SLC25A40: variants seen among roughly 807,000 people sequenced by gnomAD.
The protein encoded by SLC25A40 is mitochondrial glutathione transporter SLC25A40.
SLC25A40 carries 41 observed loss-of-function variants against 46.5 expected under a neutral mutation model. The ratio of observed to expected loss-of-function variants is 0.88; its 90% CI spans 0.69 to 1.14. SLC25A40 has a LOEUF of 1.14. Among genes scored for constraint, SLC25A40 ranks in the 50% most tolerant of loss-of-function variants. The pLI, the probability that SLC25A40 is intolerant of heterozygous loss-of-function variation, is 0.00. For missense variants in SLC25A40, 386 were observed against 393.6 expected, an observed-to-expected ratio of 0.98 and a Z score of 0.16; for synonymous variants, 126 against 127.5, an observed-to-expected ratio of 0.99 and a Z score of 0.08.
intron 1 of SLC25A40, among the ~76,000 whole-genome samples, chr7:87,863,091 C>T (rs1355928700): frequency 6.6e-6 from 1 of 152,162 alleles, no homozygotes. Flanking sequence ...ATTGCCTCTT[C>T]TGTAGTATGT....
intron 1 of SLC25A40, among the ~76,000 whole-genome samples, chr7:87,872,257 C>T (rs555756325): frequency 6.6e-6 from 1 of 152,174 alleles, no homozygotes; most frequent in East Asian, 1.9e-4. Flanking sequence ...TGAGATGCAG[C>T]TAAAGCAGCA....
chr7:87,875,045 T>C (rs1187477877), intron 1 of SLC25A40, among the ~76,000 whole-genome samples: 2 of 152,196 alleles, frequency 1.3e-5, no homozygotes, highest in Admixed American at 6.5e-5. Flanking sequence ...TTTTTTCCCA[T>C]AGAAATTACA....
At chr7:87,855,239 G>A (rs1301591370) in intron 4 of SLC25A40, among the ~76,000 whole-genome samples, 4 of 151,620 alleles carry the variant, frequency 2.6e-5, no homozygotes, top group East Asian at 1.9e-4. Context: ...GATAAAAGAC[G>A]AAAACCCATT....
At position 87,856,335 on chromosome 7, in the gene SLC25A40, A is replaced by G; in HGVS notation, c.114T>C (p.Val38=). The change falls in exon 4 of 12, where the codon GTT becomes GTC. Residue 38 remains valine, a synonymous_variant. Coordinates refer to ENST00000341119, the MANE Select transcript of SLC25A40 (RefSeq NM_018843.4). The part of the protein sequence containing the change: ...LTSVIVTPLD[V]VKIRLQAQNN... Reference sequence around the variant, plus strand: ...TTTGGGCTTGGAGTCTAATTTTAACAACATCCAGGGGTGTCACTATGAAGA... The same window carrying G: ...TTTGGGCTTGGAGTCTAATTTTAACGACATCCAGGGGTGTCACTATGAAGA... 6.2e-7 allele frequency: 1 copy of G among 1,613,390 alleles called. No homozygotes were observed. The highest frequency in any genetic ancestry group is 8.5e-7 in the Non-Finnish European group (1 of 1,179,486).
At chr7:87,875,283 G>C (rs995698021) in intron 1 of SLC25A40, among the ~76,000 whole-genome samples, 1 of 152,096 alleles carries the variant, frequency 6.6e-6, no homozygotes, top group African/African-American at 2.4e-5. Flanking sequence ...CATGACTGTC[G>C]CCCCAGGCCC....
At position 87,836,368 on chromosome 7, in the gene SLC25A40, A is replaced by G; in HGVS notation, c.905-7T>C. On this transcript the variant is annotated splice_polypyrimidine_tract_variant and splice_region_variant and intron_variant, in intron 11 of 11. Transcript: ENST00000341119. The stretch of plus-strand genomic sequence containing the variant: ...ATTAAGCGAGGAATTAGGCCTGAGA[A>G]AAGAATAGGAATAATCAAAACAAAT... The G allele has an allele frequency of 6.9e-7, 1 of 1,459,364 alleles. No individual in the cohort carries two copies. Among genetic ancestry groups the G allele is most frequent in the South Asian group, 1.4e-5 (1 of 70,040 alleles). The allele number at this position is 1,459,364 out of a possible 1,614,324, so 90.4% of individuals were successfully genotyped here. A position where few individuals can be genotyped will look rare whatever the true frequency, so the allele number is the denominator to read the frequency against.
At chr7:87,856,479 C>G in intron 3 of SLC25A40, 128 bp from the exon 4 acceptor site, 1 of 818,708 alleles carries the variant, frequency 1.2e-6, no homozygotes. Context: ...GCTTATTTAT[C>G]TTAAAGTAGT....
rs2130998874 is a variant in SLC25A40, at chr7:87,843,658, A to C, written c.741+96T>G. 4.7e-6 allele frequency: 4 copies of C among 848,810 alleles called. No individual in the cohort carries two copies. In the East Asian group the frequency reaches 1.1e-4, roughly 24 times the overall value. 52.6% of individuals were successfully genotyped at this position (848,810 alleles called of 1,614,324 possible). The stretch of plus-strand genomic sequence containing the variant: ...AGACAAATTTTCAAGCAGTGCAGCC[A>C]AAGTGGATCTCAATATACATGAGAT... On this transcript the variant is annotated intron_variant, in intron 9 of 11. Coordinates refer to ENST00000341119, the MANE Select transcript of SLC25A40 (RefSeq NM_018843.4).
chr7:87,856,391 T>C lies in SLC25A40; in HGVS notation c.98-40A>G, dbSNP rs183939505. 9.9e-4 allele frequency: 1,429 copies of C among 1,449,124 alleles called. 16 individuals are homozygous for C. The African/African-American group carries it at 0.018, about 18-fold the overall frequency. The allele number at this position is 1,449,124 out of a possible 1,614,324, so 89.8% of individuals were successfully genotyped here. A position where few individuals can be genotyped will look rare whatever the true frequency, so the allele number is the denominator to read the frequency against. On this transcript the variant is annotated intron_variant, in intron 3 of 11. Coordinates refer to ENST00000341119, the MANE Select transcript of SLC25A40 (RefSeq NM_018843.4). Reference sequence around the variant, plus strand: ...TAAGTTTCAATTAGCGAGTGGTATCTGTAAATTGGATAGATGTTTTACACA... The same window carrying C: ...TAAGTTTCAATTAGCGAGTGGTATCCGTAAATTGGATAGATGTTTTACACA...
chr7:87,852,393 C>T (rs1282317376), intron 5 of SLC25A40, among the ~76,000 whole-genome samples: 1 of 152,074 alleles, frequency 6.6e-6, no homozygotes, highest in Non-Finnish European at 1.5e-5. Context: ...CTAGCCTGGG[C>T]AACATAGTGA....
chr7:87,854,809 C>CAAAA (rs1193322764), intron 4 of SLC25A40, among the ~76,000 whole-genome samples: 2 of 53,574 alleles, frequency 3.7e-5, no homozygotes, highest in South Asian at 6.2e-4. Context: ...AAGACTGTCT[C>CAAAA]AAAAAAAAAA....
intron 11 of SLC25A40, 111 bp from the exon 12 acceptor site, chr7:87,836,472 G>A: frequency 1.5e-6 from 1 of 688,140 alleles, no homozygotes; most frequent in Non-Finnish European, 2.2e-6. Context: ...GAAGTAATAT[G>A]TTCAAATCCA....
intron 3 of SLC25A40, among the ~76,000 whole-genome samples, chr7:87,858,079 C>A (rs1011745909): frequency 2.0e-5 from 3 of 152,188 alleles, no homozygotes; most frequent in African/African-American, 7.2e-5. Context: ...CTGCAGTACC[C>A]TCAGGCTTAC....
At chr7:87,870,602 T>A (rs1203804351) in intron 1 of SLC25A40, among the ~76,000 whole-genome samples, 2 of 152,090 alleles carry the variant, frequency 1.3e-5, no homozygotes, top group Non-Finnish European at 2.9e-5. Flanking sequence ...TGCCCCACCC[T>A]CATCCTGTGC....
At position 87,843,855 on chromosome 7, in the gene SLC25A40, A is replaced by G; in HGVS notation, c.640T>C (p.Trp214Arg). 1 of 1,582,444 alleles carries G rather than the reference A, an allele frequency of 6.3e-7. No homozygotes were observed. The highest frequency in any genetic ancestry group is 1.4e-5 in the African/African-American group (1 of 73,826). ...TTCTTTAAAATTTCATAGTTATACC[A>G]GTACATTGCTATAAAAACAGAGAAT... is the stretch of plus-strand genomic sequence containing the variant. ...LRDVPFSAMY[W>R]YNYEILKKWL... The change falls in exon 9 of 12, where the codon TGG becomes CGG. Residue 214 changes from tryptophan to arginine, a missense_variant. Trp to Arg is a moderately radical substitution (Grantham distance 101). Transcript: ENST00000341119.
intron 9 of SLC25A40, among the ~76,000 whole-genome samples, chr7:87,843,257 G>A (rs1323920325): frequency 1.3e-5 from 2 of 152,020 alleles, no homozygotes; most frequent in African/African-American, 2.4e-5. Flanking sequence ...TGTGGAAAAA[G>A]ATAAACTCCC....
rs191786601 is a variant in SLC25A40, at chr7:87,863,069, T to C, written c.-93-2429A>G. Among the ~76,000 whole-genome samples, 328 of 152,346 alleles carry C rather than the reference T, an allele frequency of 2.2e-3. 3 individuals carry two copies. The highest frequency in any genetic ancestry group is 7.7e-3 in the African/African-American group (319 of 41,582). On this transcript the variant is annotated intron_variant, in intron 1 of 11. Coordinates refer to ENST00000341119, the MANE Select transcript of SLC25A40 (RefSeq NM_018843.4). ...TGCTTAACATCTCTGCATATTTTTATCAGTAGTATATATTGCCTCTTCTGT... is the reference window on the plus strand; with the variant it reads ...TGCTTAACATCTCTGCATATTTTTACCAGTAGTATATATTGCCTCTTCTGT...
intron 8 of SLC25A40, among the ~76,000 whole-genome samples, chr7:87,846,028 A>C (rs1277412131): frequency 6.6e-6 from 1 of 152,206 alleles, no homozygotes; most frequent in Non-Finnish European, 1.5e-5. Context: ...ACTGATTAAA[A>C]ATTTTCATAG....
At chr7:87,861,870 T>C (rs978465206) in intron 1 of SLC25A40, among the ~76,000 whole-genome samples, 2 of 152,312 alleles carry the variant, frequency 1.3e-5, no homozygotes, top group South Asian at 2.1e-4. Flanking sequence ...AATTTAGATA[T>C]AACTTTTTAG....
Sources: gnomAD v4.1 joint callset for allele counts (sites outside exome capture counted in the v4.1 genomes callset) on GRCh38, gnomAD v4.1.1 for gene constraint, MANE v1.5 for transcripts, NCBI Gene and HGNC (gene_info 2026-07-23, HGNC 2026-07-21) for gene names.